Variants in DNAJC1 observed in about 807,000 individuals in gnomAD.
DNAJC1 encodes the protein DnaJ heat shock protein family (Hsp40) member C1.
A neutral mutation model predicts 76.6 loss-of-function variants in DNAJC1; 58 were observed. That is an observed-to-expected ratio of 0.76 (90% CI 0.61 to 0.94). DNAJC1 has a LOEUF of 0.94. DNAJC1 is among the 40% of genes least tolerant of loss of function. The pLI is 0.00. For synonymous variants in DNAJC1, 258 were observed against 267.9 expected (o/e 0.96, Z 0.36); for missense variants, 689 against 677.3 (o/e 1.02, Z -0.19).
intron 1 of DNAJC1, among the ~76,000 whole-genome samples, chr10:21,994,101 C>A (rs1003591402): frequency 2.0e-5 from 3 of 152,182 alleles, no homozygotes; most frequent in African/African-American, 4.8e-5. Context: ...ATATTCAGAT[C>A]TTTTTATCAA....
chr10:21,825,142 T>A (rs1030158551), intron 8 of DNAJC1, among the ~76,000 whole-genome samples: 2 of 152,228 alleles, frequency 1.3e-5, no homozygotes, highest in African/African-American at 2.4e-5. Context: ...CATATTGTTG[T>A]ACAAGCCATC....
At chr10:21,940,925 GGACA>G (rs2131796089) in intron 1 of DNAJC1, among the ~76,000 whole-genome samples, 1 of 151,858 alleles carries the variant, frequency 6.6e-6, no homozygotes, top group Non-Finnish European at 1.5e-5. Context: ...AAGAGAGAGA[GGACA>G]GACAGTTTTA....
At chr10:21,965,927 C>T (rs1196601739) in intron 1 of DNAJC1, among the ~76,000 whole-genome samples, 1 of 152,170 alleles carries the variant, frequency 6.6e-6, no homozygotes, top group Admixed American at 6.5e-5. Context: ...ATCAGGTACC[C>T]CTTTCCTGTA....
At chr10:21,813,774 A>T (rs1054002830) in intron 8 of DNAJC1, among the ~76,000 whole-genome samples, 19 of 152,310 alleles carry the variant, frequency 1.2e-4, no homozygotes, top group Non-Finnish European at 2.4e-4. Flanking sequence ...GTTGTAAAAA[A>T]TTTGAGTTAC....
intron 1 of DNAJC1, among the ~76,000 whole-genome samples, chr10:21,993,306 G>A (rs1838357621): frequency 6.6e-6 from 1 of 152,202 alleles, no homozygotes; most frequent in South Asian, 2.1e-4. Flanking sequence ...TGCCTTAGCA[G>A]TGCTTTCCCA....
At chr10:21,960,695 C>T (rs1837776936) in intron 1 of DNAJC1, among the ~76,000 whole-genome samples, 1 of 152,120 alleles carries the variant, frequency 6.6e-6, no homozygotes, top group South Asian at 2.1e-4. Flanking sequence ...TGCCTCCAAA[C>T]AAACAGTGAA....
chr10:21,835,418 A>G (rs1475610573), intron 8 of DNAJC1, among the ~76,000 whole-genome samples: 2 of 152,130 alleles, frequency 1.3e-5, no homozygotes, highest in Non-Finnish European at 2.9e-5. Context: ...AAATCAGAGC[A>G]CCTCTCCTCC....
At position 21,840,052 on chromosome 10, in the gene DNAJC1, C is replaced by T. The variant is rs566849148; in HGVS notation, c.979-33953G>A. 6.0e-4 allele frequency among the ~76,000 whole-genome samples: 91 copies of T among 152,304 alleles called. 2 individuals carry two copies. Among genetic ancestry groups the T allele is most frequent in the Admixed American group, 4.6e-3 (70 of 15,296 alleles). ...AAAGGCCTTTGACAAAATTCAACAA[C>T]GCTTCATGCTAAAAACTCTCAATAA... On this transcript the variant is annotated intron_variant, in intron 8 of 11. Coordinates refer to ENST00000376980, the MANE Select transcript of DNAJC1 (RefSeq NM_022365.4).
chr10:21,765,889 T>C (rs1014818585), intron 10 of DNAJC1, among the ~76,000 whole-genome samples: 3 of 152,122 alleles, frequency 2.0e-5, no homozygotes, highest in African/African-American at 7.2e-5. Flanking sequence ...TAGCCATTTA[T>C]CCCAAAGGGC....
chr10:21,984,587 C>A (rs546064339), intron 1 of DNAJC1, among the ~76,000 whole-genome samples: 1 of 152,226 alleles, frequency 6.6e-6, no homozygotes, highest in African/African-American at 2.4e-5. Flanking sequence ...CTTTTTAAAC[C>A]CCAATATCCA....
chr10:21,984,153 T>C (rs1407996158), intron 1 of DNAJC1, among the ~76,000 whole-genome samples: 2 of 152,138 alleles, frequency 1.3e-5, no homozygotes, highest in Non-Finnish European at 2.9e-5. Context: ...TTTCTTTGCT[T>C]TTACATAAAA....
chr10:21,866,813 A>T (rs1208358223), intron 8 of DNAJC1, among the ~76,000 whole-genome samples: 1 of 151,318 alleles, frequency 6.6e-6, no homozygotes, highest in Non-Finnish European at 1.5e-5. Flanking sequence ...GACTGAAATC[A>T]GAGTGTGTTC....
chr10:21,833,381 G>A (rs758565781), intron 8 of DNAJC1, among the ~76,000 whole-genome samples: 7 of 152,154 alleles, frequency 4.6e-5, no homozygotes, highest in East Asian at 3.9e-4. Context: ...TGAGGCAGGC[G>A]AATCAATTGA....
At chr10:21,946,197 C>T (rs1210099967) in intron 1 of DNAJC1, among the ~76,000 whole-genome samples, 2 of 151,576 alleles carry the variant, frequency 1.3e-5, no homozygotes, top group African/African-American at 2.4e-5. Context: ...TGTGCCACCA[C>T]GCCCAACTAA....
At chr10:21,815,520 G>T (rs1007423328) in intron 8 of DNAJC1, among the ~76,000 whole-genome samples, 3 of 152,186 alleles carry the variant, frequency 2.0e-5, no homozygotes, top group Non-Finnish European at 4.4e-5. Flanking sequence ...TCTACCAGCA[G>T]TATCTATGAA....
chr10:21,882,170 T>C (rs1199586813), intron 8 of DNAJC1, 112 bp downstream of exon 8: 1 of 1,015,486 alleles, frequency 9.8e-7, no homozygotes, highest in East Asian at 3.0e-5. Flanking sequence ...AACAAAACAA[T>C]AGTATTTGTG....
At chr10:21,907,758 C>T (rs964592189) in intron 6 of DNAJC1, among the ~76,000 whole-genome samples, 1 of 151,522 alleles carries the variant, frequency 6.6e-6, no homozygotes, top group East Asian at 1.9e-4. Flanking sequence ...GGGCGGATCA[C>T]TTGAGGGCAG....
At chr10:21,759,953 C>T (rs933603884) in intron 10 of DNAJC1, among the ~76,000 whole-genome samples, 3 of 152,116 alleles carry the variant, frequency 2.0e-5, no homozygotes, top group African/African-American at 7.2e-5. Context: ...GAGGGAATAA[C>T]CTGCTACTCA....
At chr10:21,852,369 T>A (rs972382305) in intron 8 of DNAJC1, among the ~76,000 whole-genome samples, 1 of 152,114 alleles carries the variant, frequency 6.6e-6, no homozygotes, top group African/African-American at 2.4e-5. Flanking sequence ...CCTTTTGAGG[T>A]GATATCATGT....
Sources: allele counts gnomAD v4.1 joint callset (sites outside exome capture counted in the v4.1 genomes callset), GRCh38; gene constraint gnomAD v4.1.1; transcripts MANE v1.5; gene names NCBI Gene and HGNC (gene_info 2026-07-23, HGNC 2026-07-21).